The following GLS variants were observed in gnomAD, a reference collection of about 807,000 sequenced individuals.
GLS encodes the protein glutaminase kidney isoform, mitochondrial.
A neutral mutation model predicts 86.7 loss-of-function variants in GLS; 36 were observed. The ratio of observed to expected loss-of-function variants is 0.42; its 90% confidence interval spans 0.32 to 0.55. The LOEUF (loss-of-function observed/expected upper bound fraction) is 0.55. GLS is among the 20% of genes least tolerant of loss of function. The probability of loss-of-function intolerance (pLI) is 0.17; values close to 1 mark genes in which losing one functional copy is unlikely to be tolerated. For synonymous variants in GLS, 317 were observed against 305.9 expected, an observed-to-expected ratio of 1.04 and a Z score of -0.38; for missense variants, 528 against 833.4, an observed-to-expected ratio of 0.63 and a Z score of 4.51.
Position 190,954,659 on chromosome 2 carries a change from G to A in GLS, c.1788G>A (p.Glu596=), listed in dbSNP as rs1690813357. Reference sequence around the variant, plus strand: ...CAGCACTCCATGTAGCTGCTGCAGAGGGTAATACAGGAACTACTCCTATCT... The same window carrying A: ...CAGCACTCCATGTAGCTGCTGCAGAAGGTAATACAGGAACTACTCCTATCT... ...SRTALHVAAA[E]GHVEVVKFLL... is the part of the protein sequence containing the mutation. Residue 596 remains glutamate, a splice_region_variant and synonymous_variant, in exon 16 of 18, where the codon GAG becomes GAA. Transcript: ENST00000320717. This position sits in a 1 kb window ranked among gnomAD's most constrained non-coding sequence, Gnocchi z 4.0. 1 of 1,608,590 alleles carries A rather than the reference G, an allele frequency of 6.2e-7. No individual in the cohort carries two copies. The highest frequency in any genetic ancestry group is 8.5e-7 in the Non-Finnish European group (1 of 1,174,934).
At chr2:190,894,838 G>A (rs12990256) in intron 1 of GLS, among the ~76,000 whole-genome samples, 69,099 of 152,074 alleles carry the variant, frequency 0.45, 18,925 homozygotes, top group Non-Finnish European at 0.62. Flanking sequence ...TTTGTATTGG[G>A]TGATTGTACT....
Position 190,930,064 on chromosome 2 carries a change from A to C in GLS, c.1426-373A>C. Among the ~76,000 whole-genome samples, 1 of 149,888 alleles carries C rather than the reference A, an allele frequency of 6.7e-6. No homozygotes were observed. Reference sequence around the variant, plus strand: ...TTTTTAATTTTTAAACCAATTTCCCAATTGTGTTTTTTTTTTTTTTGAAAC... The same window carrying C: ...TTTTTAATTTTTAAACCAATTTCCCCATTGTGTTTTTTTTTTTTTTGAAAC... On this transcript the variant is annotated intron_variant, in intron 12 of 17. Coordinates refer to ENST00000320717, the MANE Select transcript of GLS (RefSeq NM_014905.5). This position sits in a 1 kb window ranked among gnomAD's most constrained non-coding sequence, Gnocchi z 5.0.
chr2:190,915,583 G>A (rs1325545308), intron 7 of GLS, among the ~76,000 whole-genome samples: 1 of 152,086 alleles, frequency 6.6e-6, no homozygotes, highest in East Asian at 1.9e-4. Context: ...GAATAAAGGG[G>A]CATTGACAGT....
intron 6 of GLS, among the ~76,000 whole-genome samples, chr2:190,908,489 T>G (rs1163231045): frequency 6.6e-6 from 1 of 152,220 alleles, no homozygotes; most frequent in Non-Finnish European, 1.5e-5. Context: ...GTTCATAAAT[T>G]TCAGATGTCA....
chr2:190,924,675 G>C lies in GLS; in HGVS notation c.1248+82G>C. On this transcript the variant is annotated intron_variant, in intron 11 of 17. Coordinates refer to ENST00000320717, the MANE Select transcript of GLS (RefSeq NM_014905.5). The surrounding 1 kb of genome is among the most constrained non-coding windows in gnomAD (Gnocchi z 5.2). Reference sequence around the variant, plus strand: ...CTCACGCCTGTAATCCCAGCACTTTGGGAGGCCAGGGCAGGTGGATCATGA... The same window carrying C: ...CTCACGCCTGTAATCCCAGCACTTTCGGAGGCCAGGGCAGGTGGATCATGA... 2 of 766,752 alleles carry C rather than the reference G, an allele frequency of 2.6e-6. No homozygotes were observed. The highest frequency in any genetic ancestry group is 4.7e-6 in the Non-Finnish European group (2 of 425,210). The allele number at this position is 766,752 out of a possible 1,614,324, so 47.5% of individuals were successfully genotyped here. A position where few individuals can be genotyped will look rare whatever the true frequency, so the allele number is the denominator to read the frequency against.
Position 190,902,557 on chromosome 2 carries a change from G to A in GLS, c.815+531G>A, listed in dbSNP as rs116531298. ...TGCTTACATTGCAGGCACAGCTGCTGACAGATGAGGAACTTGCAGAATTAT... is the reference window on the plus strand; with the variant it reads ...TGCTTACATTGCAGGCACAGCTGCTAACAGATGAGGAACTTGCAGAATTAT... On this transcript the variant is annotated intron_variant, in intron 5 of 17. Coordinates refer to ENST00000320717, the MANE Select transcript of GLS (RefSeq NM_014905.5). 8.3e-3 allele frequency among the ~76,000 whole-genome samples: 1,265 copies of A among 152,284 alleles called. 27 individuals carry two copies. The highest frequency in any genetic ancestry group is 0.029 in the African/African-American group (1,212 of 41,556).
intron 1 of GLS, among the ~76,000 whole-genome samples, chr2:190,893,398 T>C (rs1416908034): frequency 6.6e-6 from 1 of 152,186 alleles, no homozygotes; most frequent in Non-Finnish European, 1.5e-5. Flanking sequence ...AGTCATTTTT[T>C]TGAACAAATA....
At chr2:190,909,714 A>G (rs958913729) in intron 6 of GLS, among the ~76,000 whole-genome samples, 4 of 152,228 alleles carry the variant, frequency 2.6e-5, no homozygotes, top group African/African-American at 7.2e-5. Context: ...ATACAAATAT[A>G]CCTTTATTGT....
rs1317727515 is a variant in GLS, at chr2:190,963,926, G to A, written c.*940G>A. ...AAGTTTTTTTTTTTTAGCTTCTAGG[G>A]TAAAGATAAATTCAGAAATGCTCTA... On this transcript the variant is annotated 3_prime_UTR_variant, in exon 18 of 18. Transcript: ENST00000320717. The A allele has an allele frequency of 2.0e-5, 3 of 152,034 alleles. No individual in the cohort carries two copies. The highest frequency in any genetic ancestry group is 4.4e-5 in the Non-Finnish European group (3 of 67,990). The allele number at this position is 152,034 out of a possible 1,614,324, so 9.4% of individuals were successfully genotyped here. A position where few individuals can be genotyped will look rare whatever the true frequency, so the allele number is the denominator to read the frequency against.
In GLS at chr2:190,938,477, T is replaced by C. The variant is rs912162513; in HGVS notation, c.1650+6840T>C. ...ACATAGTCCAACCTTTCTAGAATTT[T>C]GATGTACTTTTATTTACCATAATCT... is the stretch of plus-strand genomic sequence containing the variant. On this transcript the variant is annotated intron_variant, in intron 14 of 17. Coordinates refer to ENST00000320717, the MANE Select transcript of GLS (RefSeq NM_014905.5). This position sits in a 1 kb window ranked among gnomAD's most constrained non-coding sequence, Gnocchi z 4.1. Among the ~76,000 whole-genome samples, 2 of 151,682 alleles carry C rather than the reference T, an allele frequency of 1.3e-5. No individual in the cohort carries two copies. Among genetic ancestry groups the C allele is most frequent in the African/African-American group, 4.8e-5 (2 of 41,444 alleles).
At chr2:190,911,042 C>T (rs1038983797) in intron 7 of GLS, among the ~76,000 whole-genome samples, 7 of 147,270 alleles carry the variant, frequency 4.8e-5, no homozygotes, top group Non-Finnish European at 1.0e-4. Flanking sequence ...ATCTACCACA[C>T]GATTTTAGAT....
In GLS at chr2:190,965,132, C is replaced by T. The variant is rs2124965079; in HGVS notation, c.*2146C>T. On this transcript the variant is annotated 3_prime_UTR_variant, in exon 18 of 18. Coordinates refer to ENST00000320717, the MANE Select transcript of GLS (RefSeq NM_014905.5). This position sits in a 1 kb window ranked among gnomAD's most constrained non-coding sequence, Gnocchi z 5.0. ...GCTATTAACTGCTGCCGTCAGTAAACTCCAAAGATCTTTTTGTTTTGGCTT... is the reference window on the plus strand; with the variant it reads ...GCTATTAACTGCTGCCGTCAGTAAATTCCAAAGATCTTTTTGTTTTGGCTT... 1 of 152,632 alleles carries T rather than the reference C, an allele frequency of 6.6e-6. No individual in the cohort carries two copies. Among genetic ancestry groups the T allele is most frequent in the Admixed American group, 6.5e-5 (1 of 15,296 alleles). The allele number at this position is 152,632 out of a possible 1,614,324, so 9.5% of individuals were successfully genotyped here.
intron 1 of GLS, among the ~76,000 whole-genome samples, chr2:190,885,110 A>G (rs1688328380): frequency 1.3e-5 from 2 of 152,198 alleles, no homozygotes; most frequent in South Asian, 4.1e-4. Context: ...GTATGGATTT[A>G]TGTTTTGATA....
chr2:190,896,574 G>C (rs1436560836), intron 3 of GLS: 1 of 152,140 alleles, frequency 6.6e-6, no homozygotes, highest in Non-Finnish European at 1.5e-5. Flanking sequence ...CTTCTTTTGG[G>C]GGTTGGGTGA....
rs1272229358 is a variant in GLS at position 190,955,901 on chromosome 2, TTGTTGGC to T, written c.1853+1086_1853+1092del. The stretch of plus-strand genomic sequence containing the variant: ...TGATGATGATATTTTTTTCACATGT[TTGTTGGC>T]TGCATAAATGTCTTCTTTTGAGAAG... On this transcript the variant is annotated intron_variant, in intron 17 of 17. Transcript: ENST00000320717. The surrounding 1 kb of genome is among the most constrained non-coding windows in gnomAD (Gnocchi z 5.6). 2.6e-5 allele frequency among the ~76,000 whole-genome samples: 4 copies of T among 152,228 alleles called. No homozygotes were observed. The highest frequency in any genetic ancestry group is 4.8e-5 in the African/African-American group (2 of 41,468).
At chr2:190,925,228 AT>A (rs991155869) in intron 11 of GLS, among the ~76,000 whole-genome samples, 1 of 151,904 alleles carries the variant, frequency 6.6e-6, no homozygotes, top group African/African-American at 2.4e-5. Context: ...TTATTTTTTT[AT>A]TTTTTAAATC....
chr2:190,910,552 T>C (rs1689321873), intron 7 of GLS, among the ~76,000 whole-genome samples: 1 of 151,684 alleles, frequency 6.6e-6, no homozygotes, highest in South Asian at 2.1e-4. Context: ...AGTCATTTAC[T>C]CTTGACTTGA....
At chr2:190,923,874 TAAAG>T in intron 9 of GLS, 39 bp from the exon 10 acceptor site, 1 of 1,186,524 alleles carries the variant, frequency 8.4e-7, no homozygotes, top group Non-Finnish European at 1.2e-6. Flanking sequence ...ATCACACTTT[TAAAG>T]AAAGTACATA....
At position 190,955,974 on chromosome 2, in the gene GLS, TTTG is replaced by T. The variant is rs1690851964; in HGVS notation, c.1853+1164_1853+1166del. On this transcript the variant is annotated intron_variant, in intron 17 of 17. Transcript: ENST00000320717. The surrounding 1 kb of genome is among the most constrained non-coding windows in gnomAD (Gnocchi z 5.6). Reference sequence around the variant, plus strand: ...TTCACCCACTTTTTGATGGGGTTTTTTTGTTGTTGTAAATTTGCTTAACTTCCT... The same window carrying T: ...TTCACCCACTTTTTGATGGGGTTTTTTTGTTGTAAATTTGCTTAACTTCCT... Among the ~76,000 whole-genome samples the T allele has an allele frequency of 6.6e-6, 1 of 152,222 alleles. No homozygotes were observed. Among genetic ancestry groups the T allele is most frequent in the Admixed American group, 6.5e-5 (1 of 15,286 alleles).
Sources: gnomAD v4.1 joint callset for allele counts (sites outside exome capture counted in the v4.1 genomes callset) on GRCh38, gnomAD v4.1.1 for gene constraint, Gnocchi (gnomAD v3.1) non-coding constraint, MANE v1.5 for transcripts, NCBI Gene and HGNC (gene_info 2026-07-23, HGNC 2026-07-21) for gene names.